Variants in GRM8 observed in about 807,000 individuals in gnomAD.
The protein encoded by GRM8 is glutamate metabotropic receptor 8.
In GRM8, 47 loss-of-function variants were observed where a neutral mutation model predicts 87.2. The ratio of observed to expected loss-of-function variants is 0.54; its 90% CI spans 0.43 to 0.69. GRM8 has a LOEUF of 0.69. GRM8 is among the 30% of genes least tolerant of loss of function. GRM8 has a pLI of 0.00. For missense variants in GRM8, 1,019 were observed against 1,139.2 expected (o/e 0.89, Z 1.52); for synonymous variants, 396 against 404.5 (o/e 0.98, Z 0.25).
chr7:126,547,245 G>C (rs1817256549), intron 8 of GRM8, among the ~76,000 whole-genome samples: 1 of 152,096 alleles, frequency 6.6e-6, no homozygotes, highest in South Asian at 2.1e-4. Context: ...GGCATTTAAA[G>C]AAATTTTCTG....
intron 6 of GRM8, among the ~76,000 whole-genome samples, chr7:126,840,737 G>A (rs1796198360): frequency 6.6e-6 from 1 of 151,830 alleles, no homozygotes; most frequent in Admixed American, 6.6e-5. Flanking sequence ...AAATAAAAGG[G>A]AATACTTACT....
At chr7:126,850,259 T>A (rs1166957220) in intron 6 of GRM8, among the ~76,000 whole-genome samples, 1 of 152,204 alleles carries the variant, frequency 6.6e-6, no homozygotes, top group Non-Finnish European at 1.5e-5. Context: ...ACAGCATACA[T>A]TCCTGGTTTA....
At chr7:126,515,761 T>TGAG (rs1812079140) in intron 9 of GRM8, among the ~76,000 whole-genome samples, 1 of 152,106 alleles carries the variant, frequency 6.6e-6, no homozygotes, top group African/African-American at 2.4e-5. Flanking sequence ...TGCCTCCCTC[T>TGAG]TCCATATCTG....
At chr7:126,580,379 C>T (rs553819677) in intron 8 of GRM8, among the ~76,000 whole-genome samples, 2 of 152,198 alleles carry the variant, frequency 1.3e-5, no homozygotes, top group East Asian at 1.9e-4. Flanking sequence ...CCTGGTATTT[C>T]CTATCTTCAT....
chr7:127,196,511 C>A (rs1244198460), intron 2 of GRM8, among the ~76,000 whole-genome samples: 1 of 149,726 alleles, frequency 6.7e-6, no homozygotes, highest in Non-Finnish European at 1.5e-5. Flanking sequence ...AGCAAGACTC[C>A]ATCTCAAAAA....
chr7:127,235,203 T>C (rs1165475495), intron 2 of GRM8, among the ~76,000 whole-genome samples: 3 of 152,208 alleles, frequency 2.0e-5, no homozygotes, highest in Non-Finnish European at 4.4e-5. Context: ...TAAGATGTCT[T>C]CGGTATTCAC....
chr7:126,991,758 TAGAGGGA>T (rs1283956881), intron 3 of GRM8, among the ~76,000 whole-genome samples: 1 of 152,204 alleles, frequency 6.6e-6, no homozygotes, highest in African/African-American at 2.4e-5. Flanking sequence ...CTCATTATGT[TAGAGGGA>T]AAGTGTATGG....
chr7:126,988,074 T>A (rs1812287689), intron 3 of GRM8, among the ~76,000 whole-genome samples: 1 of 148,306 alleles, frequency 6.7e-6, no homozygotes, highest in East Asian at 2.0e-4. Flanking sequence ...GCTCTTCGTT[T>A]AAAAAAAAAA....
intron 7 of GRM8, among the ~76,000 whole-genome samples, chr7:126,697,605 ATT>A (rs201297706): frequency 2.0e-5 from 3 of 150,954 alleles, no homozygotes; most frequent in Non-Finnish European, 4.4e-5. Flanking sequence ...ATTGTGGGTC[ATT>A]TTTTTTTCTT....
At chr7:126,743,584 C>T (rs896584770) in intron 7 of GRM8, among the ~76,000 whole-genome samples, 31 of 152,154 alleles carry the variant, frequency 2.0e-4, no homozygotes, top group South Asian at 6.2e-4. Context: ...TTTGGTATTA[C>T]TTTTAAAAAT....
intron 3 of GRM8, among the ~76,000 whole-genome samples, chr7:127,064,551 T>C (rs1184533119): frequency 6.6e-6 from 1 of 152,212 alleles, no homozygotes; most frequent in Non-Finnish European, 1.5e-5. Context: ...CAGCATACCA[T>C]TGGATCTTGC....
intron 2 of GRM8, among the ~76,000 whole-genome samples, chr7:127,183,598 T>C (rs1794589050): frequency 6.6e-6 from 1 of 151,238 alleles, no homozygotes; most frequent in Non-Finnish European, 1.5e-5. Context: ...AGACATAAAA[T>C]CAATAGTCTA....
At chr7:126,747,127 T>C (rs2299511) in intron 7 of GRM8, among the ~76,000 whole-genome samples, 58,930 of 151,486 alleles carry the variant, frequency 0.39, 12,617 homozygotes, top group Non-Finnish European at 0.48. Flanking sequence ...ATATATTCAG[T>C]ACCATTAAAT....
intron 3 of GRM8, among the ~76,000 whole-genome samples, chr7:127,028,866 G>T (rs1817074515): frequency 6.6e-6 from 1 of 151,830 alleles, no homozygotes; most frequent in African/African-American, 2.4e-5. Context: ...GTTATTTCTT[G>T]TCTTCTGCTA....
chr7:126,548,774 T>C (rs929394052), intron 8 of GRM8, among the ~76,000 whole-genome samples: 3 of 152,204 alleles, frequency 2.0e-5, no homozygotes, highest in Admixed American at 6.5e-5. Flanking sequence ...CAAGGACCCA[T>C]TAATTTAAAA....
intron 7 of GRM8, among the ~76,000 whole-genome samples, chr7:126,752,043 C>T (rs894046871): frequency 1.2e-4 from 17 of 143,642 alleles, no homozygotes; most frequent in Non-Finnish European, 1.8e-4. Context: ...CCATCCAATT[C>T]AACCTCTTCC....
chr7:127,026,112 T>C (rs1024800128), intron 3 of GRM8, among the ~76,000 whole-genome samples: 4 of 152,158 alleles, frequency 2.6e-5, no homozygotes, highest in African/African-American at 7.2e-5. Flanking sequence ...CTTGGTTTTC[T>C]GTCCTTGTGA....
chr7:126,846,079 T>C lies in GRM8; in HGVS notation c.1156+56463A>G, dbSNP rs141442066. Among the ~76,000 whole-genome samples, 334 of 152,120 alleles carry C rather than the reference T, an allele frequency of 2.2e-3. 1 individual carries two copies. Among genetic ancestry groups the C allele is most frequent in the African/African-American group, 7.7e-3 (321 of 41,516 alleles). On this transcript the variant is annotated intron_variant, in intron 6 of 10. Transcript: ENST00000339582. ...ATATATCTTTCATAAAAATTCCAAATATTGTACACATATTTGGGGCTCAGT... is the reference window on the plus strand; with the variant it reads ...ATATATCTTTCATAAAAATTCCAAACATTGTACACATATTTGGGGCTCAGT...
At chr7:127,046,541 T>G (rs1368736044) in intron 3 of GRM8, among the ~76,000 whole-genome samples, 1 of 152,212 alleles carries the variant, frequency 6.6e-6, no homozygotes. Context: ...ATAATAGTGC[T>G]ACCTAATAAA....
Sources: gnomAD v4.1 joint callset for allele counts (sites outside exome capture counted in the v4.1 genomes callset) on GRCh38, gnomAD v4.1.1 for gene constraint, MANE v1.5 for transcripts, NCBI Gene and HGNC (gene_info 2026-07-23, HGNC 2026-07-21) for gene names.